PTPRO: variants seen among roughly 807,000 people sequenced by gnomAD.
PTPRO encodes the protein protein tyrosine phosphatase receptor type O.
In PTPRO, 62 loss-of-function variants were observed where a neutral mutation model predicts 145.2. That is an observed-to-expected ratio of 0.43 (90% CI 0.35 to 0.53). The LOEUF (loss-of-function observed/expected upper bound fraction) is 0.53, where lower values mean the gene tolerates loss of function less well. Among genes scored for constraint, PTPRO ranks in the 20% least tolerant of loss-of-function variants. The pLI, the probability that PTPRO is intolerant of heterozygous loss-of-function variation, is 0.01. For synonymous variants in PTPRO, 565 were observed against 514.7 expected (o/e 1.10, Z -1.32); for missense variants, 1,345 against 1,482.7 (o/e 0.91, Z 1.53).
chr12:15,412,426 C>T (rs1257550664), intron 1 of PTPRO, among the ~76,000 whole-genome samples: 1 of 152,150 alleles, frequency 6.6e-6, no homozygotes, highest in Non-Finnish European at 1.5e-5. Context: ...GATAAGTTAC[C>T]AAACATATTT....
At chr12:15,440,295 A>G (rs982332943) in intron 1 of PTPRO, 2 of 557,652 alleles carry the variant, frequency 3.6e-6, no homozygotes, top group Non-Finnish European at 6.4e-6. Context: ...CTCCGGAAGG[A>G]GACTGTATTC....
chr12:15,373,545 A>G (rs1938593527), intron 1 of PTPRO, among the ~76,000 whole-genome samples: 1 of 152,226 alleles, frequency 6.6e-6, no homozygotes, highest in African/African-American at 2.4e-5. Flanking sequence ...AATGTAAGAT[A>G]TCATCAAGCT....
rs879787029 is a variant in PTPRO at position 15,497,472 on chromosome 12, TTC to T, written c.508+75_508+76del. On this transcript the variant is annotated intron_variant, in intron 3 of 26. Transcript: ENST00000281171. ...TTTACAAAGCTTTTCCCAAATGATG[TTC>T]TCTCTTACTGCAAAGAGGTTTTATA... 3 of 1,497,838 alleles carry T rather than the reference TTC, an allele frequency of 2.0e-6. No homozygotes were observed. In the African/African-American group the frequency reaches 4.1e-5, roughly 21 times the overall value. The allele number at this position is 1,497,838 out of a possible 1,614,324, so 92.8% of individuals were successfully genotyped here.
At chr12:15,572,281 A>G (rs927332666) in intron 19 of PTPRO, among the ~76,000 whole-genome samples, 16 of 152,210 alleles carry the variant, frequency 1.1e-4, no homozygotes, top group African/African-American at 1.7e-4. Context: ...CAAAGTATAT[A>G]CAAAATCTGC....
intron 12 of PTPRO, among the ~76,000 whole-genome samples, chr12:15,532,153 A>C (rs950772740): frequency 8.5e-5 from 13 of 152,164 alleles, no homozygotes; most frequent in African/African-American, 3.1e-4. Context: ...GACAAAAGCT[A>C]AGTTTTTGTG....
chr12:15,491,446 A>G (rs1941997785), intron 2 of PTPRO, among the ~76,000 whole-genome samples: 1 of 152,214 alleles, frequency 6.6e-6, no homozygotes, highest in African/African-American at 2.4e-5. Context: ...CTTCTCCGAG[A>G]TAGTCACATC....
Position 15,586,952 on chromosome 12 carries a change from G to T in PTPRO, c.3311G>T (p.Gly1104Val). Residue 1104 changes from glycine to valine, a missense_variant, in exon 24 of 27, where the codon GGT (glycine) becomes GTT (valine). This residue lies in a region of PTPRO where 208 missense variants were observed against 242.8 expected (regional missense o/e 0.86). Coordinates refer to ENST00000281171, the MANE Select transcript of PTPRO (RefSeq NM_030667.3). ...HFNYTAWPDH[G>V]VPTANAAESI... ...AACTACACTGCATGGCCTGATCATG[G>T]TGTGCCCACAGCAAATGCTGCAGAA... The T allele has an allele frequency of 6.2e-7, 1 of 1,614,092 alleles. No individual in the cohort carries two copies. The highest frequency in any genetic ancestry group is 8.5e-7 in the Non-Finnish European group (1 of 1,180,004).
In PTPRO at chr12:15,344,520, A is replaced by G. The variant is rs562571720; in HGVS notation, c.75+21719A>G. ...ATATTGCCTCTATTAAAGAGATGAA[A>G]GCAGATGTGGTATACATTATTGATA... On this transcript the variant is annotated intron_variant, in intron 1 of 26. Coordinates refer to ENST00000281171, the MANE Select transcript of PTPRO (RefSeq NM_030667.3). 2.6e-5 allele frequency among the ~76,000 whole-genome samples: 4 copies of G among 152,366 alleles called. No individual in the cohort carries two copies. In the South Asian group the frequency reaches 8.3e-4, roughly 32 times the overall value.
intron 1 of PTPRO, among the ~76,000 whole-genome samples, chr12:15,425,631 T>C (rs1940264070): frequency 6.6e-6 from 1 of 152,218 alleles, no homozygotes; most frequent in Admixed American, 6.5e-5. Context: ...TGTATTCTTG[T>C]GCATGATTTG....
intron 16 of PTPRO, 67 bp downstream of exon 16, chr12:15,557,590 T>C (rs1943668756): frequency 7.0e-7 from 1 of 1,422,974 alleles, no homozygotes; most frequent in African/African-American, 1.4e-5. Context: ...AAAGTCGATT[T>C]TACTATCCTT....
At chr12:15,517,105 A>C in intron 9 of PTPRO, 149 bp downstream of exon 9, 1 of 821,492 alleles carries the variant, frequency 1.2e-6, no homozygotes, top group Non-Finnish European at 2.0e-6. Flanking sequence ...GCTGATAAAG[A>C]AATAGCCAAG....
intron 1 of PTPRO, among the ~76,000 whole-genome samples, chr12:15,350,452 C>G (rs373826097): frequency 6.6e-6 from 1 of 152,284 alleles, no homozygotes; most frequent in East Asian, 1.9e-4. Flanking sequence ...CACCCTACCC[C>G]CCAATTAGCT....
intron 1 of PTPRO, among the ~76,000 whole-genome samples, chr12:15,409,625 G>C (rs183160203): frequency 6.6e-6 from 1 of 152,328 alleles, no homozygotes; most frequent in Admixed American, 6.5e-5. Flanking sequence ...TGTACAGGAA[G>C]TAGGGCACTG....
At position 15,431,998 on chromosome 12, in the gene PTPRO, T is replaced by A. The variant is rs1447569175; in HGVS notation, c.76-51976T>A. Among the ~76,000 whole-genome samples, 4 of 152,340 alleles carry A rather than the reference T, an allele frequency of 2.6e-5. No homozygotes were observed. The East Asian group carries it at 7.7e-4, about 29-fold the overall frequency. ...TTAACAGCTGTTTTTTGTTTTTGTTTTTGCTTTTTTAGCATTTAAGTTTAG... is the reference window on the plus strand; with the variant it reads ...TTAACAGCTGTTTTTTGTTTTTGTTATTGCTTTTTTAGCATTTAAGTTTAG... On this transcript the variant is annotated intron_variant, in intron 1 of 26. Transcript: ENST00000281171.
At chr12:15,530,474 G>A (rs1004096740) in intron 12 of PTPRO, among the ~76,000 whole-genome samples, 2 of 152,028 alleles carry the variant, frequency 1.3e-5, no homozygotes, top group Non-Finnish European at 2.9e-5. Context: ...TCATATCTTA[G>A]GACACAAAAC....
intron 23 of PTPRO, among the ~76,000 whole-genome samples, chr12:15,584,849 T>C (rs926480788): frequency 6.6e-5 from 10 of 152,100 alleles, no homozygotes; most frequent in African/African-American, 2.4e-4. Context: ...TAAGAGAAAT[T>C]TAGGAATAGC....
intron 1 of PTPRO, among the ~76,000 whole-genome samples, chr12:15,373,962 T>C (rs1478871153): frequency 6.6e-6 from 1 of 152,088 alleles, no homozygotes; most frequent in African/African-American, 2.4e-5. Context: ...TGGAGGTAAG[T>C]TCATCATATT....
At chr12:15,471,904 G>A (rs60835527) in intron 1 of PTPRO, among the ~76,000 whole-genome samples, 3,847 of 152,240 alleles carry the variant, frequency 0.025, 177 homozygotes, top group African/African-American at 0.089. Context: ...CCTGGCGAGT[G>A]TAGCCCCGGG....
At chr12:15,412,007 T>C (rs1055139409) in intron 1 of PTPRO, among the ~76,000 whole-genome samples, 7 of 152,352 alleles carry the variant, frequency 4.6e-5, no homozygotes, top group South Asian at 2.1e-4. Flanking sequence ...CAAGATCATT[T>C]ACCACCCTGT....
Sources: allele counts gnomAD v4.1 joint callset (sites outside exome capture counted in the v4.1 genomes callset), GRCh38; gene constraint gnomAD v4.1.1; regional missense constraint gnomAD v4.1.1; transcripts MANE v1.5; gene names NCBI Gene and HGNC (gene_info 2026-07-23, HGNC 2026-07-21).